Variants in TANC1 observed in about 807,000 individuals in gnomAD.
TANC1 encodes protein TANC1.
Under a neutral mutation model 149.7 loss-of-function variants are expected in TANC1, and 77 were observed. The ratio of observed to expected loss-of-function variants is 0.51; its 90% CI spans 0.43 to 0.62. The LOEUF (loss-of-function observed/expected upper bound fraction) is 0.62, where lower values mean the gene tolerates loss of function less well. Among genes scored for constraint, TANC1 ranks in the 20% least tolerant of loss-of-function variants. The pLI is 0.00. For synonymous variants in TANC1, 854 were observed against 925.0 expected, an observed-to-expected ratio of 0.92 and a Z score of 1.39; for missense variants, 1,985 against 2,321.8, an observed-to-expected ratio of 0.85 and a Z score of 2.98.
At chr2:159,049,091 C>G (rs1157731076) in intron 2 of TANC1, among the ~76,000 whole-genome samples, 1 of 152,210 alleles carries the variant, frequency 6.6e-6, no homozygotes, top group African/African-American at 2.4e-5. Flanking sequence ...CTTCATAGGT[C>G]TCCCTCTTCC....
intron 4 of TANC1, among the ~76,000 whole-genome samples, chr2:159,133,604 C>CA (rs2050333162): frequency 6.6e-6 from 1 of 151,990 alleles, no homozygotes; most frequent in African/African-American, 2.4e-5. Context: ...GCTCCACCCC[C>CA]AAACCCCCAC....
intron 2 of TANC1, among the ~76,000 whole-genome samples, chr2:159,055,649 T>G (rs544161720): frequency 1.3e-4 from 20 of 152,330 alleles, no homozygotes; most frequent in African/African-American, 4.8e-4. Context: ...GTTTGTTCTT[T>G]GATCTCTTTG....
At chr2:159,063,338 T>C (rs2042404147) in intron 2 of TANC1, among the ~76,000 whole-genome samples, 1 of 152,224 alleles carries the variant, frequency 6.6e-6, no homozygotes, top group Non-Finnish European at 1.5e-5. Flanking sequence ...CCCTAGGGTC[T>C]ATTCCTATAA....
intron 13 of TANC1, among the ~76,000 whole-genome samples, chr2:159,178,046 G>A (rs367962773): frequency 2.0e-5 from 3 of 152,362 alleles, no homozygotes; most frequent in East Asian, 1.9e-4. Flanking sequence ...ATGCGCTGTC[G>A]TTGAGACACA....
At chr2:159,228,072 T>G in intron 25 of TANC1, 107 bp downstream of exon 25, 2 of 1,274,170 alleles carry the variant, frequency 1.6e-6, no homozygotes, top group Non-Finnish European at 2.2e-6. Context: ...TCCTGTCCAA[T>G]TTGCTTGCAC....
chr2:159,186,038 C>A, intron 15 of TANC1, 139 bp downstream of exon 15: 1 of 649,614 alleles, frequency 1.5e-6, no homozygotes, highest in East Asian at 2.7e-5. Context: ...TCCTGCCTCC[C>A]CTCTCCAAAA....
intron 2 of TANC1, among the ~76,000 whole-genome samples, chr2:159,033,692 A>G (rs766364816): frequency 6.6e-6 from 1 of 152,212 alleles, no homozygotes; most frequent in Non-Finnish European, 1.5e-5. Context: ...CATGGGAGTG[A>G]CAATAGGGTT....
intron 2 of TANC1, among the ~76,000 whole-genome samples, chr2:159,033,386 A>G (rs1019118322): frequency 1.3e-5 from 2 of 152,150 alleles, no homozygotes; most frequent in African/African-American, 4.8e-5. Context: ...TAAATGTATG[A>G]CCGGTTCACA....
intron 2 of TANC1, among the ~76,000 whole-genome samples, chr2:159,008,477 T>G (rs538433824): frequency 5.3e-5 from 8 of 152,240 alleles, no homozygotes; most frequent in Non-Finnish European, 1.0e-4. Context: ...CAGCCTTTCC[T>G]TGGTTTCCAG....
At chr2:158,980,774 CAAA>C (rs200444006) in intron 1 of TANC1, among the ~76,000 whole-genome samples, 5 of 109,746 alleles carry the variant, frequency 4.6e-5, no homozygotes, top group Admixed American at 9.3e-5. Flanking sequence ...GACTCCATCT[CAAA>C]AAAAAAAAAA....
At chr2:159,007,824 G>C (rs1260834733) in intron 2 of TANC1, among the ~76,000 whole-genome samples, 1 of 152,230 alleles carries the variant, frequency 6.6e-6, no homozygotes, top group African/African-American at 2.4e-5. Context: ...TAGCTGAGTA[G>C]TGAGGAGGTG....
intron 1 of TANC1, among the ~76,000 whole-genome samples, chr2:158,988,744 T>A (rs1033863743): frequency 6.6e-6 from 1 of 152,168 alleles, no homozygotes; most frequent in Non-Finnish European, 1.5e-5. Flanking sequence ...CTTGAAGGCC[T>A]TAAGAGAGAG....
intron 10 of TANC1, among the ~76,000 whole-genome samples, chr2:159,171,744 C>T (rs1474700949): frequency 1.3e-5 from 2 of 151,388 alleles, no homozygotes; most frequent in African/African-American, 4.9e-5. Context: ...GTAATCCCAG[C>T]TACTTGGGAG....
intron 4 of TANC1, among the ~76,000 whole-genome samples, chr2:159,114,038 G>A (rs1275159811): frequency 1.3e-5 from 2 of 152,174 alleles, no homozygotes; most frequent in Non-Finnish European, 1.5e-5. Flanking sequence ...TTCCTGAAGT[G>A]TGTGTTGCTT....
intron 1 of TANC1, among the ~76,000 whole-genome samples, chr2:158,980,063 T>A (rs927767708): frequency 6.6e-6 from 1 of 152,212 alleles, no homozygotes; most frequent in African/African-American, 2.4e-5. Flanking sequence ...CCAAAATGCA[T>A]TCTGGGGGAA....
intron 14 of TANC1, among the ~76,000 whole-genome samples, chr2:159,184,320 G>A (rs2056774627): frequency 6.6e-6 from 1 of 152,320 alleles, no homozygotes; most frequent in Non-Finnish European, 1.5e-5. Context: ...GAACAGGAGG[G>A]CAGGGAGGAA....
At position 159,176,453 on chromosome 2, in the gene TANC1, A is replaced by G. The variant is rs1357311220; in HGVS notation, c.1837A>G (p.Thr613Ala). 1 of 1,602,476 alleles carries G rather than the reference A, an allele frequency of 6.2e-7. No individual in the cohort carries two copies. Among genetic ancestry groups the G allele is most frequent in the Non-Finnish European group, 8.5e-7 (1 of 1,175,742 alleles). ...TGGAGATACGCTTTCTTCATTTATT[A>G]CCAAAATTATTTCTAAATTTCCTGC... ...DYGDTLSSFI[T>A]KIISKFPAWL... Residue 613 changes from threonine to alanine, a missense_variant, in exon 13 of 27, where the codon ACC (threonine) becomes GCC (alanine). Thr to Ala is a moderately conservative substitution (Grantham distance 58). Transcript: ENST00000263635.
At chr2:159,012,489 A>C (rs2037870800) in intron 2 of TANC1, among the ~76,000 whole-genome samples, 1 of 152,070 alleles carries the variant, frequency 6.6e-6, no homozygotes, top group African/African-American at 2.4e-5. Context: ...TGTAAACAGA[A>C]ACTGCCCCTC....
intron 17 of TANC1, among the ~76,000 whole-genome samples, chr2:159,194,759 C>G (rs923157840): frequency 2.0e-5 from 3 of 152,218 alleles, no homozygotes; most frequent in African/African-American, 4.8e-5. Context: ...GGAGGGCCAG[C>G]CTTTAAAAAG....
Sources: gnomAD v4.1 joint callset for allele counts (sites outside exome capture counted in the v4.1 genomes callset) on GRCh38, gnomAD v4.1.1 for gene constraint, MANE v1.5 for transcripts, NCBI Gene and HGNC (gene_info 2026-07-23, HGNC 2026-07-21) for gene names.